Variants in CDH2 observed in about 807,000 individuals in gnomAD.
CDH2 encodes the protein cadherin-2.
CDH2 carries 17 observed loss-of-function variants against 92.0 expected under a neutral mutation model. The observed-to-expected ratio is 0.18, with a 90% CI of 0.13 to 0.28. The LOEUF (loss-of-function observed/expected upper bound fraction) is 0.28. Among genes scored for constraint, CDH2 ranks in the 10% least tolerant of loss-of-function variants. CDH2 has a pLI of 1.00. For missense variants in CDH2, 862 were observed against 1,133.1 expected (o/e 0.76, Z 3.44); for synonymous variants, 419 against 415.9 (o/e 1.01, Z -0.09).
At chr18:28,013,387 T>C (rs1473188835) in intron 3 of CDH2, among the ~76,000 whole-genome samples, 1 of 152,202 alleles carries the variant, frequency 6.6e-6, no homozygotes, top group Non-Finnish European at 1.5e-5. Flanking sequence ...TTTGTGGTTT[T>C]ATTTAACAGC....
Position 28,152,260 on chromosome 18 carries a change from A to G in CDH2, c.61-4476T>C, listed in dbSNP as rs28365322. 5.0e-3 allele frequency among the ~76,000 whole-genome samples: 763 copies of G among 152,300 alleles called. 6 individuals carry two copies. The highest frequency in any genetic ancestry group is 0.04 in the East Asian group (205 of 5,170). ...CCAAGACCTCACATCCAAGAGAGAA[A>G]GGGCAGGATTCAAACTCTGTAGTCT... is the stretch of plus-strand genomic sequence containing the variant. On this transcript the variant is annotated intron_variant, in intron 1 of 15. Transcript: ENST00000269141.
intron 2 of CDH2, chr18:28,045,378 T>C (rs905958661): frequency 4.3e-6 from 2 of 465,156 alleles, no homozygotes; most frequent in African/African-American, 2.0e-5. Context: ...AACTTATAAA[T>C]AGCTCTCCAT....
intron 7 of CDH2, 38 bp downstream of exon 7, chr18:28,002,959 T>C (rs2012811610): frequency 6.3e-7 from 1 of 1,587,864 alleles, no homozygotes; most frequent in East Asian, 2.2e-5. Flanking sequence ...ACCTTTAAGA[T>C]TAAAAACAAA....
chr18:28,013,459 T>G (rs1567964034), intron 3 of CDH2, among the ~76,000 whole-genome samples: 1 of 152,216 alleles, frequency 6.6e-6, no homozygotes, highest in Non-Finnish European at 1.5e-5. Context: ...AATCTCAAAG[T>G]ATAAACAAAT....
chr18:28,073,904 G>T (rs1192716604), intron 2 of CDH2, among the ~76,000 whole-genome samples: 2 of 152,084 alleles, frequency 1.3e-5, no homozygotes, highest in Non-Finnish European at 2.9e-5. Flanking sequence ...GATTCGATGA[G>T]ATAATGCATA....
chr18:28,157,121 T>C (rs1360102753), intron 1 of CDH2, among the ~76,000 whole-genome samples: 5 of 152,132 alleles, frequency 3.3e-5, no homozygotes, highest in Admixed American at 1.3e-4. Context: ...CAGGCAGCTG[T>C]GCAATTAAAC....
intron 2 of CDH2, chr18:28,146,290 A>T (rs1002054461): frequency 6.6e-6 from 1 of 152,132 alleles, no homozygotes; most frequent in Admixed American, 6.6e-5. Flanking sequence ...TCATATCAAT[A>T]TATTTTATAC....
chr18:28,049,805 T>C (rs2014155103), intron 2 of CDH2, among the ~76,000 whole-genome samples: 1 of 152,206 alleles, frequency 6.6e-6, no homozygotes, highest in South Asian at 2.1e-4. Context: ...ATGATAATCA[T>C]TTAAATAGTT....
intron 2 of CDH2, among the ~76,000 whole-genome samples, chr18:28,121,155 C>T (rs549402439): frequency 9.9e-5 from 15 of 152,130 alleles, no homozygotes; most frequent in Non-Finnish European, 2.1e-4. Context: ...AATCCTTAGC[C>T]TTCTGGTTAC....
At chr18:28,082,889 T>G (rs1294886945) in intron 2 of CDH2, among the ~76,000 whole-genome samples, 2 of 152,200 alleles carry the variant, frequency 1.3e-5, no homozygotes, top group East Asian at 3.8e-4. Context: ...TTGTACCAAC[T>G]AGAAGGTTCT....
intron 2 of CDH2, among the ~76,000 whole-genome samples, chr18:28,097,879 T>C (rs1245663774): frequency 6.6e-6 from 1 of 152,200 alleles, no homozygotes; most frequent in Non-Finnish European, 1.5e-5. Context: ...TAAAAAGATT[T>C]TCAATTTTTG....
At chr18:28,013,241 A>AC (rs891385313) in intron 3 of CDH2, among the ~76,000 whole-genome samples, 2 of 152,002 alleles carry the variant, frequency 1.3e-5, no homozygotes, top group East Asian at 1.9e-4. Flanking sequence ...AATAATTCAT[A>AC]CCCCCCAACT....
chr18:27,966,237 A>C (rs2011532107), intron 14 of CDH2, among the ~76,000 whole-genome samples: 1 of 152,084 alleles, frequency 6.6e-6, no homozygotes, highest in Admixed American at 6.6e-5. Context: ...AGGGTGAAAA[A>C]TGTTTTATTA....
At chr18:27,954,252 T>A (rs1909601184) in intron 15 of CDH2, among the ~76,000 whole-genome samples, 1 of 152,168 alleles carries the variant, frequency 6.6e-6, no homozygotes, top group Non-Finnish European at 1.5e-5. Flanking sequence ...ACCTACAATT[T>A]CTCAAAACTT....
intron 1 of CDH2, among the ~76,000 whole-genome samples, chr18:28,170,923 CAA>C (rs55875974): frequency 7.3e-5 from 10 of 137,200 alleles, no homozygotes; most frequent in Non-Finnish European, 7.9e-5. Flanking sequence ...ATACCTGTAC[CAA>C]AAAAAAAAAA....
At chr18:28,120,053 G>A (rs191233706) in intron 2 of CDH2, among the ~76,000 whole-genome samples, 3 of 152,054 alleles carry the variant, frequency 2.0e-5, no homozygotes, top group East Asian at 3.9e-4. Context: ...AGAAATAAAC[G>A]TCTTCCTTGT....
At chr18:27,996,810 T>G (rs2012598022) in intron 7 of CDH2, among the ~76,000 whole-genome samples, 1 of 152,090 alleles carries the variant, frequency 6.6e-6, no homozygotes, top group Admixed American at 6.6e-5. Context: ...AAACCTTGGG[T>G]TTTGCATGAT....
At chr18:27,940,698 G>A (rs926305445) in intron 6 of CDH2, among the ~76,000 whole-genome samples, 8 of 152,128 alleles carry the variant, frequency 5.3e-5, no homozygotes, top group South Asian at 2.1e-4. Context: ...GACTAGTCAC[G>A]TGAGAAATAA....
chr18:28,051,981 G>A (rs1157186717), intron 2 of CDH2, among the ~76,000 whole-genome samples: 3 of 152,206 alleles, frequency 2.0e-5, no homozygotes, highest in Admixed American at 6.5e-5. Context: ...AGTTGCATAA[G>A]TACTTTACAG....
Sources: gnomAD v4.1 joint callset for allele counts (sites outside exome capture counted in the v4.1 genomes callset) on GRCh38, gnomAD v4.1.1 for gene constraint, MANE v1.5 for transcripts, NCBI Gene and HGNC (gene_info 2026-07-23, HGNC 2026-07-21) for gene names.